Variants in HTR1D observed in about 807,000 individuals in gnomAD.
The protein encoded by HTR1D is 5-HT-1D.
A neutral mutation model predicts 21.1 loss-of-function variants in HTR1D; 18 were observed. The ratio of observed to expected loss-of-function variants is 0.85; its 90% CI spans 0.59 to 1.27. The LOEUF is 1.27. Ranked by LOEUF, HTR1D falls within the 50% of genes most tolerant of loss-of-function variation. The pLI, the probability that HTR1D is intolerant of heterozygous loss-of-function variation, is 0.00. For synonymous variants in HTR1D, 196 were observed against 204.4 expected, an observed-to-expected ratio of 0.96 and a Z score of 0.35; for missense variants, 456 against 481.4, an observed-to-expected ratio of 0.95 and a Z score of 0.49.
chr1:23,192,996 C>G lies in HTR1D; in HGVS notation c.*90G>C, dbSNP rs1644665117. ...AAGACTCAAGATACCATGAATTAAT[C>G]CAAGTCTCAGAAAATAATTAAAAAA... On this transcript the variant is annotated 3_prime_UTR_variant, in exon 2 of 2. Transcript: ENST00000374619. 4 of 729,502 alleles carry G rather than the reference C, an allele frequency of 5.5e-6. No individual in the cohort carries two copies. In the South Asian group the frequency reaches 9.0e-5, roughly 16 times the overall value. The allele number at this position is 729,502 out of a possible 1,614,324, so 45.2% of individuals were successfully genotyped here. A position where few individuals can be genotyped will look rare whatever the true frequency, so the allele number is the denominator to read the frequency against.
chr1:23,216,252 G>A (rs72659715), intron 1 of HTR1D, among the ~76,000 whole-genome samples: 1 of 152,254 alleles, frequency 6.6e-6, no homozygotes, highest in African/African-American at 2.4e-5. Flanking sequence ...AGGGGTTGCT[G>A]CTGCTGCTAC....
chr1:23,201,529 T>G (rs1644709109), intron 1 of HTR1D, among the ~76,000 whole-genome samples: 1 of 152,184 alleles, frequency 6.6e-6, no homozygotes, highest in African/African-American at 2.4e-5. Context: ...GAAATGGTAG[T>G]AAGACAAGGA....
intron 1 of HTR1D, among the ~76,000 whole-genome samples, chr1:23,208,611 C>T (rs1026613090): frequency 3.6e-4 from 55 of 151,678 alleles, no homozygotes; most frequent in African/African-American, 1.2e-3. Flanking sequence ...AAAAATTAGC[C>T]AGGCATGGTG....
At chr1:23,216,920 A>T (rs1181999451) in intron 1 of HTR1D, among the ~76,000 whole-genome samples, 1 of 151,990 alleles carries the variant, frequency 6.6e-6, no homozygotes, top group Non-Finnish European at 1.5e-5. Flanking sequence ...AGCAGGGGGC[A>T]GCGCCCGGCT....
At chr1:23,200,568 C>G (rs1426482259) in intron 1 of HTR1D, among the ~76,000 whole-genome samples, 4 of 152,100 alleles carry the variant, frequency 2.6e-5, no homozygotes, top group Admixed American at 2.6e-4. Context: ...TGGATAGGGT[C>G]TCCCTGTGTC....
chr1:23,207,810 G>A (rs1253515705), intron 1 of HTR1D, among the ~76,000 whole-genome samples: 1 of 144,612 alleles, frequency 6.9e-6, no homozygotes, highest in Admixed American at 7.4e-5. Context: ...CACCAAGACT[G>A]GAGTACAGTG....
chr1:23,196,302 T>C (rs919402556), intron 1 of HTR1D, among the ~76,000 whole-genome samples: 1 of 151,818 alleles, frequency 6.6e-6, no homozygotes, highest in African/African-American at 2.4e-5. Flanking sequence ...AAATTAGCCA[T>C]GCGTGGTGGT....
At chr1:23,197,143 G>T (rs770641065) in intron 1 of HTR1D, among the ~76,000 whole-genome samples, 37 of 152,228 alleles carry the variant, frequency 2.4e-4, no homozygotes, top group African/African-American at 8.9e-4. Context: ...AGTGAAAGGC[G>T]TGGGTTCAGA....
chr1:23,195,329 G>A (rs568582555), intron 1 of HTR1D, among the ~76,000 whole-genome samples: 1 of 152,208 alleles, frequency 6.6e-6, no homozygotes, highest in East Asian at 1.9e-4. Context: ...GAACGATAAA[G>A]GCCATCAGGA....
chr1:23,207,759 C>T (rs865968182), intron 1 of HTR1D, among the ~76,000 whole-genome samples: 2 of 124,850 alleles, frequency 1.6e-5, no homozygotes, highest in African/African-American at 6.2e-5. Flanking sequence ...GCAAGAGCCT[C>T]TTTTTTTTTT....
intron 1 of HTR1D, among the ~76,000 whole-genome samples, chr1:23,204,251 G>A (rs148820791): frequency 9.8e-4 from 149 of 151,592 alleles, no homozygotes; most frequent in African/African-American, 3.5e-3. Flanking sequence ...TCAGCCTCCC[G>A]AGTAGCTGGG....
chr1:23,193,888 C>T lies in HTR1D; in HGVS notation c.332G>A (p.Cys111Tyr). The change falls in exon 2 of 2, where the codon TGT (cysteine) becomes TAT (tyrosine). Residue 111 changes from cysteine (C) to tyrosine (Y), a missense_variant. By Grantham distance (194) the Cys-to-Tyr change is radical. Coordinates refer to ENST00000374619, the MANE Select transcript of HTR1D (RefSeq NM_000864.5). ...THTWNFGQIL[C>Y]DIWLSSDITC... is the part of the protein sequence containing the mutation. ...GATGTCAGAGGACAGCCAGATGTCA[C>T]ACAAGATTTGGCCAAAGTTCCAGGT... 2 of 1,614,212 alleles carry T rather than the reference C, an allele frequency of 1.2e-6. No homozygotes were observed. Among genetic ancestry groups the T allele is most frequent in the South Asian group, 1.1e-5 (1 of 91,078 alleles).
At chr1:23,201,803 C>T (rs1463697471) in intron 1 of HTR1D, among the ~76,000 whole-genome samples, 2 of 152,028 alleles carry the variant, frequency 1.3e-5, no homozygotes, top group Non-Finnish European at 2.9e-5. Context: ...ATCCTCCTGC[C>T]TCAGCCTCCC....
At chr1:23,216,481 T>C (rs1443263186) in intron 1 of HTR1D, among the ~76,000 whole-genome samples, 1 of 152,138 alleles carries the variant, frequency 6.6e-6, no homozygotes, top group African/African-American at 2.4e-5. Flanking sequence ...ACCGGGACCC[T>C]GACTGAGAGC....
At chr1:23,200,939 A>T (rs890021262) in intron 1 of HTR1D, among the ~76,000 whole-genome samples, 1 of 152,106 alleles carries the variant, frequency 6.6e-6, no homozygotes, top group Non-Finnish European at 1.5e-5. Flanking sequence ...AGGCCACAGC[A>T]TCTCCCCTGA....
Position 23,192,691 on chromosome 1 carries a change from T to C in HTR1D, c.*395A>G, listed in dbSNP as rs1644663102. The C allele has an allele frequency of 6.5e-6, 1 of 154,918 alleles. No homozygotes were observed. The highest frequency in any genetic ancestry group is 2.4e-5 in the African/African-American group (1 of 41,382). 9.6% of individuals were successfully genotyped at this position (154,918 alleles called of 1,614,324 possible). On this transcript the variant is annotated 3_prime_UTR_variant, in exon 2 of 2. Coordinates refer to ENST00000374619, the MANE Select transcript of HTR1D (RefSeq NM_000864.5). ...CCCGTCTTTATTAAAAATACAAAAA[T>C]TAGCTGGGCCTGGTGACACACGTTT... is the stretch of plus-strand genomic sequence containing the variant.
At chr1:23,202,039 G>GT (rs1314139487) in intron 1 of HTR1D, among the ~76,000 whole-genome samples, 1 of 151,960 alleles carries the variant, frequency 6.6e-6, no homozygotes, top group Admixed American at 6.6e-5. Flanking sequence ...CACAGCAGGT[G>GT]TTTTTTTAAT....
Position 23,217,237 on chromosome 1 carries a change from T to G in HTR1D, c.-783+54A>C, listed in dbSNP as rs1644778950. Among the ~76,000 whole-genome samples, 1 of 150,862 alleles carries G rather than the reference T, an allele frequency of 6.6e-6. No individual in the cohort carries two copies. Among genetic ancestry groups the G allele is most frequent in the African/African-American group, 2.4e-5 (1 of 41,294 alleles). On this transcript the variant is annotated intron_variant, in intron 1 of 1. Coordinates refer to ENST00000374619, the MANE Select transcript of HTR1D (RefSeq NM_000864.5). This position sits in a 1 kb window ranked among gnomAD's most constrained non-coding sequence, Gnocchi z 4.6. ...GGAGGGGCGCCGCTCCCGGCCTCAGTTCCCCGCGGACGGCCGCTGGGGCCA... is the reference window on the plus strand; with the variant it reads ...GGAGGGGCGCCGCTCCCGGCCTCAGGTCCCCGCGGACGGCCGCTGGGGCCA...
At chr1:23,205,943 T>C (rs1465076622) in intron 1 of HTR1D, among the ~76,000 whole-genome samples, 1 of 152,164 alleles carries the variant, frequency 6.6e-6, no homozygotes, top group Non-Finnish European at 1.5e-5. Flanking sequence ...ACTGTTCTGT[T>C]TCAGGAGAGT....
Sources: allele counts gnomAD v4.1 joint callset (sites outside exome capture counted in the v4.1 genomes callset), GRCh38; gene constraint gnomAD v4.1.1; non-coding constraint Gnocchi (gnomAD v3.1); transcripts MANE v1.5; gene names NCBI Gene and HGNC (gene_info 2026-07-23, HGNC 2026-07-21).